Variants in COPS7B observed in about 807,000 individuals in gnomAD.
COPS7B encodes COP9 signalosome subunit 7B.
A neutral mutation model predicts 33.4 loss-of-function variants in COPS7B; 9 were observed. That is an observed-to-expected ratio of 0.27 (90% CI 0.16 to 0.47). The LOEUF (loss-of-function observed/expected upper bound fraction) is 0.47, where lower values mean the gene tolerates loss of function less well. COPS7B is among the 20% of genes least tolerant of loss of function. COPS7B has a pLI of 0.99. For synonymous variants in COPS7B, 119 were observed against 126.3 expected, an observed-to-expected ratio of 0.94 and a Z score of 0.39; for missense variants, 242 against 318.2, an observed-to-expected ratio of 0.76 and a Z score of 1.82.
intron 3 of COPS7B, 180 bp downstream of exon 3, chr2:231,791,988 A>T: frequency 4.3e-6 from 3 of 700,128 alleles, no homozygotes; most frequent in Non-Finnish European, 8.0e-6. Context: ...CACCTTTTAT[A>T]TTCTAGTGGG....
At chr2:231,784,578 G>C (rs1228286545), upstream of COPS7B, among the ~76,000 whole-genome samples, 1 of 152,132 alleles carries the variant, frequency 6.6e-6, no homozygotes, top group Non-Finnish European at 1.5e-5. Context: ...GAATTTCTAT[G>C]AAGTCACACT....
In COPS7B at chr2:231,796,154, C is replaced by T. The variant is rs1323867101; in HGVS notation, c.376C>T (p.Arg126Trp). 1.2e-6 allele frequency: 2 copies of T among 1,614,114 alleles called. No individual in the cohort carries two copies. The highest frequency in any genetic ancestry group is 1.7e-5 in the Admixed American group (1 of 60,012). ...LLKDLEMRNL[R>W]ELEDLIIEAV... is the part of the protein sequence containing the mutation. Reference sequence around the variant, plus strand: ...GAAAGACCTGGAGATGCGGAATCTCCGGGAACTAGAAGACCTTATCATTGA... The same window carrying T: ...GAAAGACCTGGAGATGCGGAATCTCTGGGAACTAGAAGACCTTATCATTGA... The change falls in exon 5 of 7, where the codon CGG becomes TGG. Residue 126 changes from arginine (R) to tryptophan (W), a missense_variant. By Grantham distance (101) the Arg-to-Trp change is moderately radical. Coordinates refer to ENST00000350033, the MANE Select transcript of COPS7B (RefSeq NM_022730.4).
chr2:231,785,807 C>G (rs2049225536), upstream of COPS7B, among the ~76,000 whole-genome samples: 1 of 152,164 alleles, frequency 6.6e-6, no homozygotes, highest in Non-Finnish European at 1.5e-5. Context: ...TTGGTAAGCA[C>G]CAGATGCAAC....
chr2:231,793,920 C>T (rs1183333889), intron 3 of COPS7B: 1 of 210,440 alleles, frequency 4.8e-6, no homozygotes, highest in African/African-American at 2.3e-5. Context: ...TGATTCTTCT[C>T]AGTACAGAGC....
rs746083061 is a variant in COPS7B at position 231,794,261 on chromosome 2, A to AGCC, written c.239-1_240dup. 6.2e-7 allele frequency: 1 copy of AGCC among 1,613,590 alleles called. No individual in the cohort carries two copies. The highest frequency in any genetic ancestry group is 8.5e-7 in the Non-Finnish European group (1 of 1,179,574). ...ATTTTTGTGGTGGGTGGGACTGAGC[A>AGCC]GCCAACAAGGAGAGCCTGCCAGAAC... On this transcript the variant is annotated splice_acceptor_variant, in intron 3 of 6. Coordinates refer to ENST00000350033, the MANE Select transcript of COPS7B (RefSeq NM_022730.4). LOFTEE classifies it high-confidence loss of function.
chr2:231,786,230 G>A (rs1384312822), upstream of COPS7B: 1 of 156,388 alleles, frequency 6.4e-6, no homozygotes, highest in African/African-American at 2.4e-5. Context: ...TACCGTCTAG[G>A]CCGCATTCCT....
At chr2:231,785,848 T>C (rs1485205523), upstream of COPS7B, among the ~76,000 whole-genome samples, 3 of 152,238 alleles carry the variant, frequency 2.0e-5, no homozygotes, top group Non-Finnish European at 2.9e-5. Flanking sequence ...CATAGAACCA[T>C]TGTTGGCTTA....
rs114255228 is a variant in COPS7B at position 231,804,911 on chromosome 2, T to C, written c.637-2576T>C. ...ACTAAAGTCATGTCGTTACCTCTTA[T>C]TATGATTTTAGTTCATTTTCTTCTG... On this transcript the variant is annotated intron_variant, in intron 6 of 6. Coordinates refer to ENST00000350033, the MANE Select transcript of COPS7B (RefSeq NM_022730.4). Among the ~76,000 whole-genome samples the C allele has an allele frequency of 7.8e-3, 1,189 of 152,340 alleles. 16 individuals carry two copies. Among genetic ancestry groups the C allele is most frequent in the African/African-American group, 0.027 (1,108 of 41,566 alleles).
Position 231,795,675 on chromosome 2 carries a change from TTTTG to T in COPS7B, c.328-423_328-420del, listed in dbSNP as rs1055038236. 2.6e-5 allele frequency among the ~76,000 whole-genome samples: 4 copies of T among 152,196 alleles called. No homozygotes were observed. The East Asian group carries it at 5.8e-4, about 22-fold the overall frequency. On this transcript the variant is annotated intron_variant, in intron 4 of 6. Coordinates refer to ENST00000350033, the MANE Select transcript of COPS7B (RefSeq NM_022730.4). Reference sequence around the variant, plus strand: ...GTAGATATGCTGGCCTGCAAGTTTTTTTTGTTTGTTTTTGCACTCTGCTGGGCAA... The same window carrying T: ...GTAGATATGCTGGCCTGCAAGTTTTTTTTGTTTTTGCACTCTGCTGGGCAA...
upstream of COPS7B, among the ~76,000 whole-genome samples, chr2:231,784,094 TTGTGCCGGGCATGGGAGTTTGGA>T (rs2049185355): frequency 1.3e-5 from 2 of 149,898 alleles, no homozygotes; most frequent in Non-Finnish European, 3.0e-5. Flanking sequence ...AGGGTGTAAG[TTGTGCCGGGCATGGGAGTTTGGA>T]CTGAGAAGGG....
chr2:231,798,195 C>T (rs1032394905), intron 5 of COPS7B, among the ~76,000 whole-genome samples: 6 of 149,138 alleles, frequency 4.0e-5, no homozygotes, highest in Non-Finnish European at 7.4e-5. Flanking sequence ...CCTAGAACAT[C>T]TTTTTTTTCT....
intron 4 of COPS7B, among the ~76,000 whole-genome samples, chr2:231,795,718 T>G (rs914991698): frequency 6.6e-6 from 1 of 152,220 alleles, no homozygotes; most frequent in South Asian, 2.1e-4. Context: ...GCCAGCTCTT[T>G]CCAGTGACTG....
intron 1 of COPS7B, 100 bp from the exon 2 acceptor site, chr2:231,788,455 C>G: frequency 8.7e-7 from 1 of 1,147,950 alleles, no homozygotes; most frequent in South Asian, 1.5e-5. Context: ...TTTATCAACA[C>G]TATAAAAGTA....
At chr2:231,783,498 T>C (rs147338679), upstream of COPS7B, among the ~76,000 whole-genome samples, 7 of 152,348 alleles carry the variant, frequency 4.6e-5, no homozygotes, top group Non-Finnish European at 8.8e-5. Context: ...TTAAGGTATT[T>C]ATTTGCATTT....
In COPS7B at chr2:231,807,514, G is replaced by C; in HGVS notation, c.664G>C (p.Ala222Pro). ...EVTNIKKTLK[A>P]TASSSAQEME... Reference sequence around the variant, plus strand: ...TACCAACATCAAGAAGACACTCAAAGCCACCGCATCCTCCTCGGCTCAGGA... The same window carrying C: ...TACCAACATCAAGAAGACACTCAAACCCACCGCATCCTCCTCGGCTCAGGA... Residue 222 changes from alanine (A) to proline (P), a missense_variant, in exon 7 of 7, where the codon GCC (alanine) becomes CCC (proline). Ala to Pro is a conservative substitution (Grantham distance 27). Transcript: ENST00000350033. 6.2e-7 allele frequency: 1 copy of C among 1,613,372 alleles called. No homozygotes were observed. Among genetic ancestry groups the C allele is most frequent in the Non-Finnish European group, 8.5e-7 (1 of 1,179,730 alleles).
intron 5 of COPS7B, among the ~76,000 whole-genome samples, chr2:231,798,011 C>T (rs183844489): frequency 2.6e-5 from 4 of 152,146 alleles, no homozygotes; most frequent in Admixed American, 2.6e-4. Context: ...CCTCAGCCTC[C>T]CTAGTAGCTG....
chr2:231,787,873 T>C (rs1053167501), intron 1 of COPS7B, among the ~76,000 whole-genome samples: 2 of 152,206 alleles, frequency 1.3e-5, no homozygotes, highest in African/African-American at 4.8e-5. Flanking sequence ...CCTCTGTGTA[T>C]AGGCAGTATC....
Position 231,798,958 on chromosome 2 carries a change from A to G in COPS7B, c.630A>G (p.Glu210=), listed in dbSNP as rs761562968. ...ENHNRTQQQV[E]AEVTNIKKTL... Reference sequence around the variant, plus strand: ...ACAACCGAACTCAGCAGCAGGTAGAAGCAGAGGTAAGGAAGGAAAGGAACA... The same window carrying G: ...ACAACCGAACTCAGCAGCAGGTAGAGGCAGAGGTAAGGAAGGAAAGGAACA... Residue 210 remains glutamate, a synonymous_variant, in exon 6 of 7, where the codon GAA becomes GAG. Coordinates refer to ENST00000350033, the MANE Select transcript of COPS7B (RefSeq NM_022730.4). The G allele has an allele frequency of 6.2e-7, 1 of 1,613,296 alleles. No individual in the cohort carries two copies. Among genetic ancestry groups the G allele is most frequent in the African/African-American group, 1.3e-5 (1 of 74,908 alleles).
rs368362019 is a variant in COPS7B at position 231,807,598 on chromosome 2, A to G, written c.748A>G (p.Thr250Ala). ...CCCTCACGCTGAGCAGAGGCAGCCC[A>G]CCAAGAAGATGTCCAAAGTGAAAGG... ...CPPHAEQRQPTKKMSKVKGLV... is the reference protein window; with the variant it reads ...CPPHAEQRQPAKKMSKVKGLV... The change falls in exon 7 of 7, where the codon ACC becomes GCC. Residue 250 changes from threonine to alanine, a missense_variant. Coordinates refer to ENST00000350033, the MANE Select transcript of COPS7B (RefSeq NM_022730.4). 214 of 1,585,398 alleles carry G rather than the reference A, an allele frequency of 1.3e-4. No individual in the cohort carries two copies. The highest frequency in any genetic ancestry group is 1.8e-4 in the Non-Finnish European group (209 of 1,165,586).
Sources: allele counts gnomAD v4.1 joint callset (sites outside exome capture counted in the v4.1 genomes callset), GRCh38; gene constraint gnomAD v4.1.1; transcripts MANE v1.5; gene names NCBI Gene and HGNC (gene_info 2026-07-23, HGNC 2026-07-21).